Variants in PRKCZ observed in about 807,000 individuals in gnomAD.
PRKCZ encodes protein kinase C zeta.
A neutral mutation model predicts 79.5 loss-of-function variants in PRKCZ; 33 were observed. The ratio of observed to expected loss-of-function variants is 0.41; its 90% CI spans 0.31 to 0.55. The LOEUF (loss-of-function observed/expected upper bound fraction) is 0.55. PRKCZ is among the 20% of genes least tolerant of loss of function. PRKCZ has a pLI of 0.19. For missense variants in PRKCZ, 578 were observed against 813.5 expected (o/e 0.71, Z 3.52); for synonymous variants, 342 against 320.9 (o/e 1.07, Z -0.70).
rs370592584 is a variant in PRKCZ, at chr1:2,098,142, G to A, written c.335-37120G>A. The stretch of plus-strand genomic sequence containing the variant: ...CCAGGGGTGACTAAGGACAGAGCAG[G>A]TGATAGAGGCTAGGCAGGGGTTGTT... On this transcript the variant is annotated intron_variant, in intron 4 of 17. Coordinates refer to ENST00000378567, the MANE Select transcript of PRKCZ (RefSeq NM_002744.6). Among the ~76,000 whole-genome samples the A allele has an allele frequency of 2.5e-4, 38 of 152,364 alleles. No homozygotes were observed. In the South Asian group the frequency reaches 7.5e-3, roughly 30 times the overall value.
rs1674272560 is a variant in PRKCZ at position 2,127,978 on chromosome 1, TGC to T, written c.335-7283_335-7282del. Among the ~76,000 whole-genome samples, 1 of 152,212 alleles carries T rather than the reference TGC, an allele frequency of 6.6e-6. No homozygotes were observed. Among genetic ancestry groups the T allele is most frequent in the Admixed American group, 6.5e-5 (1 of 15,288 alleles). On this transcript the variant is annotated intron_variant, in intron 4 of 17. Transcript: ENST00000378567. This position sits in a 1 kb window ranked among gnomAD's most constrained non-coding sequence, Gnocchi z 5.1. ...TAGGACATGCTGGCAGCTAACTGGG[TGC>T]TGGGGAAGCCTGGAGAGGAAGCCAG...
intron 4 of PRKCZ, among the ~76,000 whole-genome samples, chr1:2,085,319 C>G (rs1356633432): frequency 6.6e-6 from 1 of 152,218 alleles, no homozygotes; most frequent in Non-Finnish European, 1.5e-5. Context: ...AGGAGCTGGC[C>G]CCGAGCCAGC....
chr1:2,158,757 T>C (rs542800198), intron 10 of PRKCZ, among the ~76,000 whole-genome samples: 4 of 152,176 alleles, frequency 2.6e-5, no homozygotes, highest in Non-Finnish European at 5.9e-5. Context: ...TCTGCACTTG[T>C]GTCTTTGGAC....
chr1:2,059,448 G>A (rs756435818), intron 3 of PRKCZ, 93 bp from the exon 4 acceptor site: 15 of 1,486,558 alleles, frequency 1.0e-5, no homozygotes, highest in Admixed American at 1.7e-5. Flanking sequence ...TGAAGTCCAC[G>A]TGCTCAGCCT....
chr1:2,142,528 C>T (rs1165492559), intron 5 of PRKCZ: 2 of 297,542 alleles, frequency 6.7e-6, no homozygotes, highest in African/African-American at 4.6e-5. Flanking sequence ...CCAATGCCGG[C>T]ATTAAGCTAG....
At chr1:2,086,279 TTGAACTCC>T (rs1005623007) in intron 4 of PRKCZ, among the ~76,000 whole-genome samples, 1 of 152,102 alleles carries the variant, frequency 6.6e-6, no homozygotes, top group Non-Finnish European at 1.5e-5. Flanking sequence ...CAGGCTGATC[TTGAACTCC>T]TGGCCTCAAG....
intron 4 of PRKCZ, among the ~76,000 whole-genome samples, chr1:2,063,420 C>A (rs972282794): frequency 3.3e-5 from 5 of 152,306 alleles, no homozygotes; most frequent in Middle Eastern, 3.4e-3. Context: ...TCAAGCGATT[C>A]TCCTGTCTCA....
chr1:2,073,567 G>A (rs982232391), intron 4 of PRKCZ: 5 of 956,614 alleles, frequency 5.2e-6, no homozygotes, highest in Non-Finnish European at 6.2e-6. Flanking sequence ...GCTGCTGCCC[G>A]CCCGCTCTCT....
At position 2,083,381 on chromosome 1, in the gene PRKCZ, C is replaced by T. The variant is rs182909399; in HGVS notation, c.334+23790C>T. Among the ~76,000 whole-genome samples the T allele has an allele frequency of 2.3e-3, 346 of 152,178 alleles. 1 individual carries two copies. The highest frequency in any genetic ancestry group is 3.7e-3 in the Non-Finnish European group (249 of 68,006). ...GTGGTCCTCAAAGAGCTTTTGGGTA[C>T]GTGGGCTGTAGCTGCCAGTGTGAAC... On this transcript the variant is annotated intron_variant, in intron 4 of 17. Transcript: ENST00000378567.
At chr1:2,055,615 G>C in intron 2 of PRKCZ, 53 bp downstream of exon 2, 1 of 1,580,620 alleles carries the variant, frequency 6.3e-7, no homozygotes, top group South Asian at 1.2e-5. Context: ...GACTTCGCCA[G>C]GGCAGCCTCT....
At position 2,082,145 on chromosome 1, in the gene PRKCZ, CA is replaced by C. The variant is rs1237603548; in HGVS notation, c.334+22555del. 6.1e-6 allele frequency: 2 copies of C among 330,064 alleles called. No homozygotes were observed. The highest frequency in any genetic ancestry group is 1.2e-5 in the Non-Finnish European group (2 of 169,098). 20.4% of individuals were successfully genotyped at this position (330,064 alleles called of 1,614,324 possible). A position where few individuals can be genotyped will look rare whatever the true frequency, so the allele number is the denominator to read the frequency against. On this transcript the variant is annotated intron_variant, in intron 4 of 17. Coordinates refer to ENST00000378567, the MANE Select transcript of PRKCZ (RefSeq NM_002744.6). This position sits in a 1 kb window ranked among gnomAD's most constrained non-coding sequence, Gnocchi z 4.4. ...ACGGCCATCCGAGGGCGGACGTGGT[CA>C]GGGGTGCTGGACGCGTCAGACGGGT...
At position 2,104,207 on chromosome 1, in the gene PRKCZ, G is replaced by A. The variant is rs577391459; in HGVS notation, c.335-31055G>A. Among the ~76,000 whole-genome samples the A allele has an allele frequency of 4.4e-3, 673 of 152,276 alleles. 7 individuals carry two copies. Among genetic ancestry groups the A allele is most frequent in the Non-Finnish European group, 7.2e-3 (487 of 68,018 alleles). On this transcript the variant is annotated intron_variant, in intron 4 of 17. Coordinates refer to ENST00000378567, the MANE Select transcript of PRKCZ (RefSeq NM_002744.6). Reference sequence around the variant, plus strand: ...TTGCAGGGTTTGAACTTTCCCCAGGGCCCTCATCACCTCACTGGGATGTGG... The same window carrying A: ...TTGCAGGGTTTGAACTTTCCCCAGGACCCTCATCACCTCACTGGGATGTGG...
At chr1:2,115,261 C>T (rs1263820515) in intron 4 of PRKCZ, among the ~76,000 whole-genome samples, 1 of 152,254 alleles carries the variant, frequency 6.6e-6, no homozygotes, top group Non-Finnish European at 1.5e-5. Context: ...CTGAATTCTC[C>T]ACGTCTTATG....
intron 4 of PRKCZ, chr1:2,133,533 C>A (rs1455619309): frequency 6.6e-6 from 1 of 150,756 alleles, no homozygotes; most frequent in African/African-American, 2.5e-5. Context: ...GGTTCCACCC[C>A]CCCCAGCTGT....
chr1:2,078,342 T>C (rs1037984998), intron 4 of PRKCZ, among the ~76,000 whole-genome samples: 1 of 152,256 alleles, frequency 6.6e-6, no homozygotes, highest in African/African-American at 2.4e-5. Flanking sequence ...ATAGTTTAGC[T>C]AGGTATGAAA....
Position 2,082,113 on chromosome 1 carries a change from T to C in PRKCZ, c.334+22522T>C, listed in dbSNP as rs1663647227. 2 of 317,154 alleles carry C rather than the reference T, an allele frequency of 6.3e-6. No homozygotes were observed. The highest frequency in any genetic ancestry group is 1.2e-5 in the Non-Finnish European group (2 of 162,900). The allele number at this position is 317,154 out of a possible 1,614,324, so 19.6% of individuals were successfully genotyped here. ...CGTGCCAAGAAGGCGCCTAAGTGTC[T>C]TTCCACACGGCCATCCGAGGGCGGA... On this transcript the variant is annotated intron_variant, in intron 4 of 17. Coordinates refer to ENST00000378567, the MANE Select transcript of PRKCZ (RefSeq NM_002744.6). This position sits in a 1 kb window ranked among gnomAD's most constrained non-coding sequence, Gnocchi z 4.4.
At chr1:2,071,232 G>A (rs1661553958) in intron 4 of PRKCZ, 1 of 300,140 alleles carries the variant, frequency 3.3e-6, no homozygotes, top group African/African-American at 2.3e-5. Flanking sequence ...GGCTCGACAG[G>A]GTTTAGAGGA....
chr1:2,097,994 G>A (rs969781713), intron 4 of PRKCZ, among the ~76,000 whole-genome samples: 8 of 152,144 alleles, frequency 5.3e-5, no homozygotes, highest in Non-Finnish European at 1.0e-4. Flanking sequence ...TTTAAAGAGA[G>A]TAGCAGTACG....
intron 4 of PRKCZ, among the ~76,000 whole-genome samples, chr1:2,119,955 T>C (rs958660812): frequency 6.6e-6 from 1 of 151,904 alleles, no homozygotes; most frequent in African/African-American, 2.4e-5. Flanking sequence ...CCCAGTTGTT[T>C]TTTGTTTGTG....
Sources: allele counts gnomAD v4.1 joint callset (sites outside exome capture counted in the v4.1 genomes callset), GRCh38; gene constraint gnomAD v4.1.1; non-coding constraint Gnocchi (gnomAD v3.1); transcripts MANE v1.5; gene names NCBI Gene and HGNC (gene_info 2026-07-23, HGNC 2026-07-21).